The following COL26A1 variants were observed in gnomAD, a reference collection of about 807,000 sequenced individuals.
COL26A1 encodes collagen alpha-1(XXVI) chain.
In COL26A1, 41 loss-of-function variants were observed where a neutral mutation model predicts 59.3. The ratio of observed to expected loss-of-function variants is 0.69; its 90% confidence interval spans 0.54 to 0.90. The LOEUF (loss-of-function observed/expected upper bound fraction) is 0.90. COL26A1 is among the 40% of genes least tolerant of loss of function. The pLI, the probability that COL26A1 is intolerant of heterozygous loss-of-function variation, is 0.00. For synonymous variants in COL26A1, 266 were observed against 256.0 expected, an observed-to-expected ratio of 1.04 and a Z score of -0.37; for missense variants, 612 against 602.3, an observed-to-expected ratio of 1.02 and a Z score of -0.17.
chr7:101,513,798 C>G (rs746158802), intron 3 of COL26A1, among the ~76,000 whole-genome samples: 13 of 152,214 alleles, frequency 8.5e-5, no homozygotes, highest in Non-Finnish European at 1.5e-4. Context: ...GCAGTGTTAC[C>G]ACAGCACAAA....
Position 101,487,462 on chromosome 7 carries a change from G to A in COL26A1, c.385+39675G>A, listed in dbSNP as rs144149291. On this transcript the variant is annotated intron_variant, in intron 3 of 12. Coordinates refer to ENST00000313669, the MANE Select transcript of COL26A1 (RefSeq NM_001278563.3). ...TACCAGGCCTTCAACCAGTTTCCTC[G>A]GGTTCTTTCAACCCCCTCTCTCACG... 2.5e-3 allele frequency among the ~76,000 whole-genome samples: 387 copies of A among 152,166 alleles called. 1 individual carries two copies. The highest frequency in any genetic ancestry group is 0.02 in the Middle Eastern group (6 of 294).
chr7:101,442,798 G>C (rs142326176), intron 2 of COL26A1, among the ~76,000 whole-genome samples: 1 of 152,122 alleles, frequency 6.6e-6, no homozygotes, highest in Admixed American at 6.5e-5. Flanking sequence ...GTGTGTGACT[G>C]TGAGTGTGCA....
At position 101,511,026 on chromosome 7, in the gene COL26A1, G is replaced by A. The variant is rs544516744; in HGVS notation, c.386-22056G>A. On this transcript the variant is annotated intron_variant, in intron 3 of 12. Coordinates refer to ENST00000313669, the MANE Select transcript of COL26A1 (RefSeq NM_001278563.3). ...CGCGATTCTCCTGCCTCAGCCTCCC[G>A]AGTAGCTGGGACTACAGGCGCCCAC... is the stretch of plus-strand genomic sequence containing the variant. 5.4e-5 allele frequency among the ~76,000 whole-genome samples: 8 copies of A among 149,224 alleles called. No homozygotes were observed. The East Asian group carries it at 1.2e-3, about 23-fold the overall frequency.
At chr7:101,372,656 T>A (rs1379258366) in intron 1 of COL26A1, among the ~76,000 whole-genome samples, 2 of 152,140 alleles carry the variant, frequency 1.3e-5, no homozygotes, top group African/African-American at 2.4e-5. Context: ...GGCTTGGAAG[T>A]GTCATTAGCT....
intron 1 of COL26A1, among the ~76,000 whole-genome samples, chr7:101,368,983 A>T (rs952736839): frequency 6.7e-6 from 1 of 150,262 alleles, no homozygotes; most frequent in African/African-American, 2.4e-5. Flanking sequence ...TGAGCGTAAC[A>T]GTGTGTATGA....
Position 101,363,030 on chromosome 7 carries a change from A to T in COL26A1, c.-3A>T. The stretch of plus-strand genomic sequence containing the variant: ...TCCGGGTCCCCGCGGGCTGCTGCGC[A>T]CGATGAAGCTGGCCCTGCTCCTGCC... On this transcript the variant is annotated 5_prime_UTR_variant, in exon 1 of 13. Coordinates refer to ENST00000313669, the MANE Select transcript of COL26A1 (RefSeq NM_001278563.3). 1 of 1,574,450 alleles carries T rather than the reference A, an allele frequency of 6.4e-7. No homozygotes were observed. The highest frequency in any genetic ancestry group is 1.4e-5 in the African/African-American group (1 of 72,454).
chr7:101,402,692 A>C (rs1324253030), intron 1 of COL26A1, among the ~76,000 whole-genome samples: 39 of 75,756 alleles, frequency 5.1e-4, no homozygotes, highest in East Asian at 1.6e-3. Context: ...CCCTCCTTTC[A>C]CTGCTTCCTT....
intron 3 of COL26A1, among the ~76,000 whole-genome samples, chr7:101,512,370 GC>G (rs1286370538): frequency 2.0e-5 from 3 of 152,134 alleles, no homozygotes; most frequent in Admixed American, 2.0e-4. Flanking sequence ...TGTAATCCCA[GC>G]ACTTTGGGAG....
At chr7:101,417,389 T>A (rs1792395176) in intron 1 of COL26A1, among the ~76,000 whole-genome samples, 3 of 151,336 alleles carry the variant, frequency 2.0e-5, no homozygotes, top group African/African-American at 7.3e-5. Context: ...TTTTTTTTTT[T>A]CTTTTTTCCA....
intron 1 of COL26A1, among the ~76,000 whole-genome samples, chr7:101,395,423 T>G (rs1791832573): frequency 6.6e-6 from 1 of 152,186 alleles, no homozygotes; most frequent in Non-Finnish European, 1.5e-5. Context: ...AATTTTCTGT[T>G]TTGATCCCAC....
intron 1 of COL26A1, among the ~76,000 whole-genome samples, chr7:101,383,770 C>T (rs989455748): frequency 1.3e-5 from 2 of 151,880 alleles, no homozygotes; most frequent in East Asian, 1.9e-4. Context: ...CCTGACCTCA[C>T]GTGATCCACC....
At chr7:101,537,925 C>A (rs968246329) in intron 4 of COL26A1, among the ~76,000 whole-genome samples, 1 of 152,016 alleles carries the variant, frequency 6.6e-6, no homozygotes, top group African/African-American at 2.4e-5. Context: ...GATACTGCAA[C>A]CCACCCCCGC....
intron 1 of COL26A1, among the ~76,000 whole-genome samples, chr7:101,380,461 A>AT (rs528629293): frequency 6.6e-6 from 1 of 151,916 alleles, no homozygotes; most frequent in Non-Finnish European, 1.5e-5. Context: ...CGCCTGGCTA[A>AT]TTTTTTATAT....
At chr7:101,376,427 G>A (rs545612442) in intron 1 of COL26A1, among the ~76,000 whole-genome samples, 10 of 152,262 alleles carry the variant, frequency 6.6e-5, no homozygotes, top group African/African-American at 2.4e-4. Context: ...CCTGTGAGAT[G>A]CTGTTGTGGA....
chr7:101,473,515 A>G (rs1379378758), intron 3 of COL26A1, among the ~76,000 whole-genome samples: 1 of 151,668 alleles, frequency 6.6e-6, no homozygotes, highest in Admixed American at 6.6e-5. Context: ...GGGCTCATAC[A>G]GGCAACCTCA....
At chr7:101,375,181 T>G (rs1167784090) in intron 1 of COL26A1, among the ~76,000 whole-genome samples, 1 of 152,208 alleles carries the variant, frequency 6.6e-6, no homozygotes, top group Non-Finnish European at 1.5e-5. Context: ...TTGCCTGCCC[T>G]CTCTATGCCT....
At chr7:101,407,161 C>T (rs1330824651) in intron 1 of COL26A1, among the ~76,000 whole-genome samples, 2 of 152,102 alleles carry the variant, frequency 1.3e-5, no homozygotes, top group South Asian at 4.2e-4. Context: ...TTCCTGGCAG[C>T]GGGTACCTCC....
intron 4 of COL26A1, among the ~76,000 whole-genome samples, chr7:101,538,456 T>C (rs146321398): frequency 0.025 from 3,751 of 152,334 alleles, 65 homozygotes; most frequent in Middle Eastern, 0.037. Flanking sequence ...GGCAAGTCAC[T>C]TGCAGTCTCT....
chr7:101,367,075 T>G (rs185586056), intron 1 of COL26A1, among the ~76,000 whole-genome samples: 1 of 152,318 alleles, frequency 6.6e-6, no homozygotes, highest in Non-Finnish European at 1.5e-5. Context: ...GTGTAATTAA[T>G]TGGATCCTCT....
Sources: gnomAD v4.1 joint callset for allele counts (sites outside exome capture counted in the v4.1 genomes callset) on GRCh38, gnomAD v4.1.1 for gene constraint, MANE v1.5 for transcripts, NCBI Gene and HGNC (gene_info 2026-07-23, HGNC 2026-07-21) for gene names.